Variants in F13B observed in about 807,000 individuals in gnomAD.
F13B encodes the protein TGase.
Under a neutral mutation model 79.8 loss-of-function variants are expected in F13B, and 58 were observed. That is an observed-to-expected ratio of 0.73 (90% CI 0.59 to 0.90). The LOEUF is 0.90. Among genes scored for constraint, F13B ranks in the 40% least tolerant of loss-of-function variants. F13B has a pLI of 0.00. For missense variants in F13B, 773 were observed against 777.0 expected (o/e 0.99, Z 0.06); for synonymous variants, 283 against 260.3 (o/e 1.09, Z -0.84).
chr1:197,049,356 C>T (rs1371601333), intron 10 of F13B, among the ~76,000 whole-genome samples: 1 of 151,756 alleles, frequency 6.6e-6, no homozygotes, highest in Non-Finnish European at 1.5e-5. Context: ...AATGTATAGA[C>T]CCTTAGCAAG....
chr1:197,040,929 C>T (rs1049840446), intron 10 of F13B, among the ~76,000 whole-genome samples, 194 bp from the exon 11 acceptor site: 7 of 151,782 alleles, frequency 4.6e-5, no homozygotes, highest in African/African-American at 1.7e-4. Flanking sequence ...AAACAGTGAG[C>T]CATTTCTCTC....
At chr1:197,064,282 A>T (rs1655972056) in intron 1 of F13B, among the ~76,000 whole-genome samples, 2 of 152,172 alleles carry the variant, frequency 1.3e-5, no homozygotes, top group African/African-American at 4.8e-5. Context: ...TGTACAAACC[A>T]TATTACCCAA....
chr1:197,060,281 TG>T, intron 5 of F13B, 84 bp downstream of exon 5: 1 of 981,658 alleles, frequency 1.0e-6, no homozygotes, highest in South Asian at 1.6e-5. Flanking sequence ...AAAATAGATA[TG>T]ACCACAGGAA....
rs1558301783 is a variant in F13B at position 197,040,513 on chromosome 1, ACTT to A, written c.1952+6_1952+8del. On this transcript the variant is annotated splice_donor_region_variant and intron_variant, in intron 11 of 11. Coordinates refer to ENST00000367412, the MANE Select transcript of F13B (RefSeq NM_001994.3). ...AAAATAATCTGACCAAAAAAAAAAAACTTCTTACCTTTGTCTTGGAATACATCT... is the reference window on the plus strand; with the variant it reads ...AAAATAATCTGACCAAAAAAAAAAAACTTACCTTTGTCTTGGAATACATCT... 2 of 1,604,422 alleles carry A rather than the reference ACTT, an allele frequency of 1.2e-6. No homozygotes were observed. The highest frequency in any genetic ancestry group is 2.7e-5 in the African/African-American group (2 of 74,706).
chr1:197,051,873 G>A (rs753025620), intron 9 of F13B, among the ~76,000 whole-genome samples: 4 of 151,940 alleles, frequency 2.6e-5, no homozygotes, highest in Admixed American at 6.6e-5. Flanking sequence ...GGTGTTGTTC[G>A]TTTTTTTCTT....
chr1:197,050,374 C>T (rs1655399679), intron 10 of F13B, among the ~76,000 whole-genome samples: 1 of 151,892 alleles, frequency 6.6e-6, no homozygotes, highest in Non-Finnish European at 1.5e-5. Context: ...TACATGTTTC[C>T]CTAATGTTTT....
In F13B at chr1:197,067,065, A is replaced by C. The variant is rs17514480; in HGVS notation, c.64+95T>G. 374 of 588,118 alleles carry C rather than the reference A, an allele frequency of 6.4e-4. No individual in the cohort carries two copies. In the African/African-American group the frequency reaches 6.6e-3, roughly 10 times the overall value. The allele number at this position is 588,118 out of a possible 1,614,324, so 36.4% of individuals were successfully genotyped here. A position where few individuals can be genotyped will look rare whatever the true frequency, so the allele number is the denominator to read the frequency against. Reference sequence around the variant, plus strand: ...AAAATATGTTATAAAATTGATAATGAAAATAGAAGAGTATATTAAAACTTG... The same window carrying C: ...AAAATATGTTATAAAATTGATAATGCAAATAGAAGAGTATATTAAAACTTG... On this transcript the variant is annotated intron_variant, in intron 1 of 11. Coordinates refer to ENST00000367412, the MANE Select transcript of F13B (RefSeq NM_001994.3).
chr1:197,050,631 C>A, intron 10 of F13B, 66 bp downstream of exon 10: 1 of 1,449,902 alleles, frequency 6.9e-7, no homozygotes, highest in Non-Finnish European at 9.6e-7. Context: ...TATGTTAACT[C>A]AAAAATGACA....
rs985327772 is a variant in F13B, at chr1:197,061,780, A to G, written c.451+4T>C. 43 of 1,612,018 alleles carry G rather than the reference A, an allele frequency of 2.7e-5. No individual in the cohort carries two copies. In the East Asian group the frequency reaches 9.1e-4, roughly 34 times the overall value. Reference sequence around the variant, plus strand: ...TCTTCAGTTTTAGGAAATGATTCTTATACCATGTTCTTTCCTACAGGTTGG... The same window carrying G: ...TCTTCAGTTTTAGGAAATGATTCTTGTACCATGTTCTTTCCTACAGGTTGG... On this transcript the variant is annotated splice_donor_region_variant and intron_variant, in intron 3 of 11. Coordinates refer to ENST00000367412, the MANE Select transcript of F13B (RefSeq NM_001994.3).
intron 1 of F13B, among the ~76,000 whole-genome samples, chr1:197,065,717 A>G (rs976141752): frequency 1.3e-5 from 2 of 152,188 alleles, no homozygotes; most frequent in African/African-American, 4.8e-5. Context: ...TAAGTTGGTT[A>G]TATTACAATA....
At chr1:197,043,174 A>G (rs1655104536) in intron 10 of F13B, among the ~76,000 whole-genome samples, 1 of 152,176 alleles carries the variant, frequency 6.6e-6, no homozygotes, top group Admixed American at 6.5e-5. Flanking sequence ...GTCTCCCAGT[A>G]ATATCAGAGA....
rs752060013 is a variant in F13B, at chr1:197,060,924, T to C, written c.603A>G (p.Gly201=). The C allele has an allele frequency of 6.2e-7, 1 of 1,613,178 alleles. No homozygotes were observed. Among genetic ancestry groups the C allele is most frequent in the Non-Finnish European group, 8.5e-7 (1 of 1,179,416 alleles). Residue 201 remains glycine (G), a synonymous_variant, in exon 4 of 12, where the codon GGA becomes GGG. Coordinates refer to ENST00000367412, the MANE Select transcript of F13B (RefSeq NM_001994.3). ...KTEEVECLTY[G]WSLTPKCTKL... ...TGGTACATTTTGGTGTGAGAGACCA[T>C]CCGTATGTGAGACATTCTACCTCCT...
At chr1:197,039,495 TATA>T (rs1654958776) in intron 11 of F13B, 84 bp from the exon 12 acceptor site, 8 of 1,031,862 alleles carry the variant, frequency 7.8e-6, no homozygotes, top group Non-Finnish European at 4.5e-6. Context: ...CAATTTTTCA[TATA>T]ATGAGTCATT....
intron 4 of F13B, 81 bp from the exon 5 acceptor site, chr1:197,060,623 A>G (rs1201749019): frequency 2.0e-6 from 2 of 999,040 alleles, no homozygotes; most frequent in Non-Finnish European, 1.5e-6. Context: ...TACATGACAT[A>G]ACTAGAATAG....
intron 11 of F13B, chr1:197,040,311 C>T (rs112202513): frequency 2.2e-5 from 11 of 503,146 alleles, no homozygotes; most frequent in South Asian, 5.7e-5. Context: ...AAATGGCAAA[C>T]GTTGCTTTCA....
At chr1:197,039,880 T>A (rs907400566) in intron 11 of F13B, among the ~76,000 whole-genome samples, 1 of 152,110 alleles carries the variant, frequency 6.6e-6, no homozygotes, top group Non-Finnish European at 1.5e-5. Flanking sequence ...CCACTACTTA[T>A]ATTTTTAATA....
Position 197,053,954 on chromosome 1 carries a change from A to C in F13B, c.1355-1120T>G, listed in dbSNP as rs1173447606. ...CCAGAAAGACTGGAGTGATTAGAGC[A>C]GGGAAGAGAGTATGGAGAGGTTAGA... On this transcript the variant is annotated intron_variant, in intron 8 of 11. Transcript: ENST00000367412. Among the ~76,000 whole-genome samples, 3 of 152,238 alleles carry C rather than the reference A, an allele frequency of 2.0e-5. No individual in the cohort carries two copies. The East Asian group carries it at 5.8e-4, about 29-fold the overall frequency.
chr1:197,064,858 T>C (rs901954793), intron 1 of F13B, among the ~76,000 whole-genome samples: 7 of 152,222 alleles, frequency 4.6e-5, no homozygotes, highest in Admixed American at 4.6e-4. Flanking sequence ...TGGGCAGTCA[T>C]GGATGGAAGA....
rs868695894 is a variant in F13B, at chr1:197,038,762, T to C, written c.*616A>G. On this transcript the variant is annotated 3_prime_UTR_variant, in exon 12 of 12. Transcript: ENST00000367412. Reference sequence around the variant, plus strand: ...AAAATTCCAAGGGTCATTCTTTCTTTAATTGTGTCTCTTTAACAATATTTG... The same window carrying C: ...AAAATTCCAAGGGTCATTCTTTCTTCAATTGTGTCTCTTTAACAATATTTG... Among the ~76,000 whole-genome samples, 1 of 151,472 alleles carries C rather than the reference T, an allele frequency of 6.6e-6. No individual in the cohort carries two copies. The highest frequency in any genetic ancestry group is 1.5e-5 in the Non-Finnish European group (1 of 67,844).
Sources: allele counts gnomAD v4.1 joint callset (sites outside exome capture counted in the v4.1 genomes callset), GRCh38; gene constraint gnomAD v4.1.1; transcripts MANE v1.5; gene names NCBI Gene and HGNC (gene_info 2026-07-23, HGNC 2026-07-21).